The following ARFGEF1 variants were observed in gnomAD, a reference collection of about 807,000 sequenced individuals.
ARFGEF1 encodes brefeldin A-inhibited guanine nucleotide-exchange protein 1.
In ARFGEF1, 42 loss-of-function variants were observed where a neutral mutation model predicts 231.0. The ratio of observed to expected loss-of-function variants is 0.18; its 90% CI spans 0.14 to 0.24. The LOEUF (loss-of-function observed/expected upper bound fraction) is 0.24, where lower values mean the gene tolerates loss of function less well. ARFGEF1 is among the 10% of genes least tolerant of loss of function. ARFGEF1 has a pLI of 1.00. For synonymous variants in ARFGEF1, 710 were observed against 732.3 expected (o/e 0.97, Z 0.49); for missense variants, 1,345 against 2,192.0 (o/e 0.61, Z 7.72).
chr8:67,313,499 C>G (rs769821542), intron 1 of ARFGEF1, among the ~76,000 whole-genome samples: 1 of 152,198 alleles, frequency 6.6e-6, no homozygotes, highest in African/African-American at 2.4e-5. Context: ...TACTCTCCCC[C>G]TTTTCCCATG....
intron 10 of ARFGEF1, among the ~76,000 whole-genome samples, chr8:67,271,211 T>C (rs1378857313): frequency 2.0e-5 from 3 of 151,842 alleles, no homozygotes; most frequent in African/African-American, 7.3e-5. Context: ...AATATATACA[T>C]TAAAAAAAAA....
At chr8:67,181,261 C>A in intron 5 of ARFGEF1, among the ~76,000 whole-genome samples, 1 of 150,694 alleles carries the variant, frequency 6.6e-6, no homozygotes, top group Non-Finnish European at 1.5e-5. Flanking sequence ...TGGTCTCAAA[C>A]ACCTGGACTC....
Position 67,198,381 on chromosome 8 carries a change from A to G in ARFGEF1, c.*553T>C, listed in dbSNP as rs1243654935. The G allele has an allele frequency of 5.1e-6, 5 of 985,236 alleles. No individual in the cohort carries two copies. Among genetic ancestry groups the G allele is most frequent in the South Asian group, 4.7e-5 (1 of 21,284 alleles). The allele number at this position is 985,236 out of a possible 1,614,324, so 61.0% of individuals were successfully genotyped here. The stretch of plus-strand genomic sequence containing the variant: ...AACTATATAATGTTTTAAGATTTTT[A>G]TATTACAGACCTGCATCTCTGTACA... On this transcript the variant is annotated 3_prime_UTR_variant, in exon 39 of 39. Transcript: ENST00000262215.
Position 67,241,827 on chromosome 8 carries a change from T to A in ARFGEF1, c.2851-1537A>T, listed in dbSNP as rs1839939172. Among the ~76,000 whole-genome samples the A allele has an allele frequency of 2.0e-5, 3 of 152,134 alleles. No individual in the cohort carries two copies. In the South Asian group the frequency reaches 6.2e-4, roughly 32 times the overall value. ...GACATTGAAGGGGTAGGAAAGACAGTCTTAAATCCCAACGCCATCCCTCCC... is the reference window on the plus strand; with the variant it reads ...GACATTGAAGGGGTAGGAAAGACAGACTTAAATCCCAACGCCATCCCTCCC... On this transcript the variant is annotated intron_variant, in intron 19 of 38. Coordinates refer to ENST00000262215, the MANE Select transcript of ARFGEF1 (RefSeq NM_006421.5).
At chr8:67,317,147 T>C (rs1807356142) in intron 1 of ARFGEF1, among the ~76,000 whole-genome samples, 4 of 152,208 alleles carry the variant, frequency 2.6e-5, no homozygotes, top group Admixed American at 2.6e-4. Context: ...GCTTTGCGTC[T>C]GAGGCCCTTC....
At chr8:67,218,990 T>A (rs912430391) in intron 30 of ARFGEF1, among the ~76,000 whole-genome samples, 1 of 152,122 alleles carries the variant, frequency 6.6e-6, no homozygotes, top group African/African-American at 2.4e-5. Flanking sequence ...TTTTTTGAGA[T>A]GGAGTTTTGC....
chr8:67,186,352 T>A (rs1281877923), intron 5 of ARFGEF1, among the ~76,000 whole-genome samples: 1 of 150,962 alleles, frequency 6.6e-6, no homozygotes, highest in East Asian at 1.9e-4. Context: ...GTAGTAGTGG[T>A]GGTCAGACAT....
At chr8:67,236,330 A>G (rs1839737367) in intron 22 of ARFGEF1, among the ~76,000 whole-genome samples, 1 of 126,120 alleles carries the variant, frequency 7.9e-6, no homozygotes, top group Non-Finnish European at 1.6e-5. Flanking sequence ...AAAAAAAAAA[A>G]AAAAAAAAAG....
intron 14 of ARFGEF1, 108 bp from the exon 15 acceptor site, chr8:67,260,034 A>G: frequency 1.6e-6 from 1 of 628,278 alleles, no homozygotes; most frequent in South Asian, 2.1e-5. Context: ...ATAGTAGCTT[A>G]TTTAATACAC....
intron 30 of ARFGEF1, among the ~76,000 whole-genome samples, chr8:67,218,427 G>A (rs947249035): frequency 2.1e-4 from 32 of 151,064 alleles, no homozygotes; most frequent in Non-Finnish European, 3.4e-4. Flanking sequence ...AACCATCACC[G>A]TATCATCTTG....
intron 5 of ARFGEF1, chr8:67,190,743 G>A (rs950321489): frequency 1.2e-6 from 2 of 1,610,776 alleles, no homozygotes; most frequent in Non-Finnish European, 1.7e-6. Flanking sequence ...AGGAACAAAT[G>A]GAAAGGACTA....
intron 10 of ARFGEF1, among the ~76,000 whole-genome samples, chr8:67,269,812 CA>C (rs1805001375): frequency 6.6e-6 from 1 of 152,098 alleles, no homozygotes; most frequent in South Asian, 2.1e-4. Context: ...GAGAATCTGA[CA>C]TCTACAAATT....
At chr8:67,241,273 T>A (rs895551948) in intron 19 of ARFGEF1, among the ~76,000 whole-genome samples, 1 of 152,198 alleles carries the variant, frequency 6.6e-6, no homozygotes, top group South Asian at 2.1e-4. Flanking sequence ...TTAATCTCTC[T>A]GAACCTCACT....
At chr8:67,216,256 T>C (rs1187615679) in intron 33 of ARFGEF1, among the ~76,000 whole-genome samples, 1 of 152,168 alleles carries the variant, frequency 6.6e-6, no homozygotes, top group Non-Finnish European at 1.5e-5. Flanking sequence ...GTAGAGATTT[T>C]AGGAGGTGAG....
rs1587023166 is a variant in ARFGEF1 at position 67,201,461 on chromosome 8, T to A, written c.5267+6A>T. 6.2e-7 allele frequency: 1 copy of A among 1,601,512 alleles called. No homozygotes were observed. The highest frequency in any genetic ancestry group is 8.5e-7 in the Non-Finnish European group (1 of 1,176,282). The stretch of plus-strand genomic sequence containing the variant: ...GTCAGAGATGGAAATCAGTCAAAAG[T>A]CTTACTTCAAAAGCCTCTGCTGGAC... On this transcript the variant is annotated splice_donor_region_variant and intron_variant, in intron 37 of 38. Transcript: ENST00000262215.
intron 14 of ARFGEF1, 130 bp downstream of exon 14, chr8:67,265,876 C>A: frequency 1.2e-6 from 1 of 800,186 alleles, no homozygotes; most frequent in Non-Finnish European, 2.0e-6. Flanking sequence ...TGAATAGGAG[C>A]CTCGTGAATT....
At chr8:67,332,835 T>C (rs1449028615) in intron 1 of ARFGEF1, among the ~76,000 whole-genome samples, 1 of 152,140 alleles carries the variant, frequency 6.6e-6, no homozygotes, top group African/African-American at 2.4e-5. Context: ...TCTAAGGTCA[T>C]ATTCGAATTC....
intron 5 of ARFGEF1, among the ~76,000 whole-genome samples, chr8:67,187,819 C>A (rs78249722): frequency 0.015 from 2,298 of 152,268 alleles, 61 homozygotes; most frequent in African/African-American, 0.053. Context: ...AATGCTGGGA[C>A]AACAGGACAT....
chr8:67,233,827 C>G (rs978138376), intron 22 of ARFGEF1, among the ~76,000 whole-genome samples: 1 of 152,060 alleles, frequency 6.6e-6, no homozygotes, highest in Non-Finnish European at 1.5e-5. Context: ...TGTGCCATCC[C>G]TCAACTATCT....
Sources: allele counts gnomAD v4.1 joint callset (sites outside exome capture counted in the v4.1 genomes callset), GRCh38; gene constraint gnomAD v4.1.1; transcripts MANE v1.5; gene names NCBI Gene and HGNC (gene_info 2026-07-23, HGNC 2026-07-21).